The following BMP6 variants were observed in gnomAD, a reference collection of about 807,000 sequenced individuals.
The protein encoded by BMP6 is bone morphogenetic protein 6, also known as VG-1-R.
In BMP6, 17 loss-of-function variants were observed where a neutral mutation model predicts 54.1. The observed-to-expected ratio is 0.31, with a 90% CI of 0.22 to 0.47. The LOEUF (loss-of-function observed/expected upper bound fraction) is 0.47. Among genes scored for constraint, BMP6 ranks in the 20% least tolerant of loss-of-function variants. BMP6 has a pLI of 1.00. For missense variants in BMP6, 720 were observed against 690.4 expected (o/e 1.04, Z -0.48); for synonymous variants, 328 against 291.2 (o/e 1.13, Z -1.28).
chr6:7,808,914 TAAAA>T (rs70982107), intron 1 of BMP6, among the ~76,000 whole-genome samples: 1 of 88,998 alleles, frequency 1.1e-5, no homozygotes, highest in Admixed American at 1.4e-4. Context: ...ACCCTGTCTC[TAAAA>T]AAAAAAAAAA....
intron 4 of BMP6, 151 bp from the exon 5 acceptor site, chr6:7,878,923 C>T: frequency 5.2e-6 from 4 of 762,064 alleles, no homozygotes; most frequent in Admixed American, 4.2e-5. Context: ...CAGTCAGGAA[C>T]CTGATGTAGC....
chr6:7,740,100 TAA>T (rs915738595), intron 1 of BMP6, among the ~76,000 whole-genome samples: 11 of 151,454 alleles, frequency 7.3e-5, no homozygotes, highest in Non-Finnish European at 1.3e-4. Flanking sequence ...GTTGCAGGAG[TAA>T]AGAGAGAACA....
At chr6:7,758,176 C>T (rs969156187) in intron 1 of BMP6, among the ~76,000 whole-genome samples, 2 of 152,198 alleles carry the variant, frequency 1.3e-5, no homozygotes, top group Admixed American at 6.5e-5. Flanking sequence ...TGCATATTGC[C>T]TTATGTTATA....
At chr6:7,855,551 CTCTTTTTTTTTT>C (rs1392998103) in intron 2 of BMP6, among the ~76,000 whole-genome samples, 8 of 114,114 alleles carry the variant, frequency 7.0e-5, no homozygotes, top group African/African-American at 2.5e-4. Context: ...CTCTCTCTCT[CTCTTTTTTTTTT>C]TTTTTTTTTT....
At chr6:7,868,797 G>T (rs1759471341) in intron 4 of BMP6, among the ~76,000 whole-genome samples, 1 of 152,228 alleles carries the variant, frequency 6.6e-6, no homozygotes, top group Admixed American at 6.5e-5. Context: ...GGGCCTGCGG[G>T]GTCAGCCCAG....
intron 2 of BMP6, among the ~76,000 whole-genome samples, chr6:7,855,136 T>A (rs1407757541): frequency 6.6e-6 from 1 of 152,230 alleles, no homozygotes; most frequent in Non-Finnish European, 1.5e-5. Flanking sequence ...TGGTTTGCAC[T>A]GTTTTAGGGA....
At chr6:7,877,322 T>TA (rs1247405238) in intron 4 of BMP6, among the ~76,000 whole-genome samples, 1 of 152,118 alleles carries the variant, frequency 6.6e-6, no homozygotes, top group Admixed American at 6.6e-5. Flanking sequence ...CTCTTTTCCT[T>TA]AAAAAATCAT....
intron 1 of BMP6, among the ~76,000 whole-genome samples, chr6:7,809,696 A>G (rs1440887739): frequency 6.6e-6 from 1 of 152,234 alleles, no homozygotes; most frequent in Non-Finnish European, 1.5e-5. Context: ...CATGGTTATT[A>G]CTGCAAATGC....
intron 2 of BMP6, among the ~76,000 whole-genome samples, chr6:7,855,553 C>CTTTTT (rs778898901): frequency 9.5e-6 from 1 of 105,042 alleles, no homozygotes; most frequent in Non-Finnish European, 1.9e-5. Context: ...CTCTCTCTCT[C>CTTTTT]TTTTTTTTTT....
chr6:7,760,062 CTTTT>C (rs10587005), intron 1 of BMP6, among the ~76,000 whole-genome samples: 17 of 114,454 alleles, frequency 1.5e-4, no homozygotes, highest in Admixed American at 1.8e-4. Flanking sequence ...TATTTTTCAA[CTTTT>C]TTTTTTTTTT....
chr6:7,828,733 A>G (rs993725724), intron 1 of BMP6, among the ~76,000 whole-genome samples: 3 of 152,224 alleles, frequency 2.0e-5, no homozygotes, highest in Non-Finnish European at 4.4e-5. Flanking sequence ...TGGGGCATAC[A>G]TTGGAGGGGA....
chr6:7,733,131 C>T (rs1320553651), intron 1 of BMP6, among the ~76,000 whole-genome samples: 2 of 152,108 alleles, frequency 1.3e-5, no homozygotes, highest in Non-Finnish European at 2.9e-5. Context: ...GTCTCAAACT[C>T]CTGACATCAA....
intron 5 of BMP6, 70 bp downstream of exon 5, chr6:7,879,220 C>A: frequency 6.9e-7 from 1 of 1,456,898 alleles, no homozygotes; most frequent in Non-Finnish European, 9.6e-7. Flanking sequence ...TGGTGGCAGC[C>A]ATTACCAAAC....
chr6:7,790,096 G>C (rs2113181489), intron 1 of BMP6, among the ~76,000 whole-genome samples: 2 of 152,220 alleles, frequency 1.3e-5, no homozygotes, highest in Middle Eastern at 3.4e-3. Flanking sequence ...GTCTAGGGCT[G>C]TTCCCTCTGT....
chr6:7,840,651 A>T (rs1286618163), intron 1 of BMP6, among the ~76,000 whole-genome samples: 1 of 152,052 alleles, frequency 6.6e-6, no homozygotes, highest in Non-Finnish European at 1.5e-5. Context: ...ATTTAGTATT[A>T]AAAAGACTTT....
At chr6:7,827,948 A>G (rs146255526) in intron 1 of BMP6, among the ~76,000 whole-genome samples, 12 of 152,364 alleles carry the variant, frequency 7.9e-5, no homozygotes, top group African/African-American at 2.9e-4. Context: ...GGTAGGGATT[A>G]TTTAGTTAAC....
intron 1 of BMP6, among the ~76,000 whole-genome samples, chr6:7,779,292 T>C (rs1374531179): frequency 6.6e-6 from 1 of 152,228 alleles, no homozygotes; most frequent in East Asian, 1.9e-4. Flanking sequence ...CCTGGGTGGA[T>C]TTAAGCTCTA....
intron 1 of BMP6, among the ~76,000 whole-genome samples, chr6:7,793,938 G>A (rs989140032): frequency 2.1e-4 from 32 of 152,264 alleles, no homozygotes; most frequent in African/African-American, 7.2e-4. Flanking sequence ...GTCCAGGCTC[G>A]CATCTGCTGC....
intron 1 of BMP6, among the ~76,000 whole-genome samples, chr6:7,824,854 C>T (rs1385173068): frequency 1.3e-5 from 2 of 152,142 alleles, no homozygotes; most frequent in Non-Finnish European, 2.9e-5. Context: ...GTCAGTGTTT[C>T]CAGTATTTTC....
Sources: allele counts gnomAD v4.1 joint callset (sites outside exome capture counted in the v4.1 genomes callset), GRCh38; gene constraint gnomAD v4.1.1; transcripts MANE v1.5; gene names NCBI Gene and HGNC (gene_info 2026-07-23, HGNC 2026-07-21).